Variants in HP1BP3 observed in about 807,000 individuals in gnomAD.
HP1BP3 encodes heterochromatin protein 1 binding protein 3, also known as heterochromatin protein 1-binding protein 3.
Under a neutral mutation model 62.5 loss-of-function variants are expected in HP1BP3, and 12 were observed. That is an observed-to-expected ratio of 0.19 (90% CI 0.12 to 0.31). The LOEUF is 0.31. Ranked by LOEUF, HP1BP3 falls within the 10% of genes least tolerant of loss-of-function variation. HP1BP3 has a pLI of 1.00. For missense variants in HP1BP3, 502 were observed against 651.8 expected (o/e 0.77, Z 2.50); for synonymous variants, 260 against 237.8 (o/e 1.09, Z -0.86).
chr1:20,757,370 TTA>T (rs2056179586), intron 8 of HP1BP3, 114 bp from the exon 9 acceptor site: 4 of 382,346 alleles, frequency 1.0e-5, no homozygotes, highest in Non-Finnish European at 1.2e-5. Flanking sequence ...ATTATTATTA[TTA>T]TTTTTTTTTT....
At chr1:20,783,467 T>C (rs1005994132) in intron 1 of HP1BP3, among the ~76,000 whole-genome samples, 9 of 151,582 alleles carry the variant, frequency 5.9e-5, no homozygotes, top group Non-Finnish European at 1.2e-4. Flanking sequence ...TGCAGTGACC[T>C]GAGATCATGC....
At chr1:20,766,224 G>A (rs2154540707) in intron 7 of HP1BP3, among the ~76,000 whole-genome samples, 1 of 152,282 alleles carries the variant, frequency 6.6e-6, no homozygotes, top group Admixed American at 6.5e-5. Context: ...CCGGAAGGCG[G>A]AGGTTGCAGA....
intron 6 of HP1BP3, among the ~76,000 whole-genome samples, chr1:20,769,842 G>C (rs967393978): frequency 2.0e-5 from 3 of 152,202 alleles, no homozygotes; most frequent in Admixed American, 6.5e-5. Flanking sequence ...AGACGTATCT[G>C]TGCAATTAAG....
intron 2 of HP1BP3, 42 bp downstream of exon 2, chr1:20,780,303 G>T: frequency 7.1e-7 from 1 of 1,407,752 alleles, no homozygotes; most frequent in Non-Finnish European, 1.0e-6. Context: ...TGAAGTCAGG[G>T]ATTGATCCAA....
intron 1 of HP1BP3, 70 bp from the exon 2 acceptor site, chr1:20,780,610 T>C (rs2057499481): frequency 3.4e-6 from 2 of 586,816 alleles, no homozygotes; most frequent in African/African-American, 1.9e-5. Flanking sequence ...CTAAATTTAA[T>C]ACACATCCAA....
chr1:20,767,499 C>T, intron 7 of HP1BP3, 85 bp downstream of exon 7: 2 of 903,252 alleles, frequency 2.2e-6, no homozygotes, highest in Non-Finnish European at 3.6e-6. Flanking sequence ...TAGTGCCAGG[C>T]ACACAGCAAA....
In HP1BP3 at chr1:20,748,469, G is replaced by A. The variant is rs545174054; in HGVS notation, c.1142-814C>T. ...AACATCTGGCATATAGAAATAGGCCGGGCGTGGCGGCTCACGCCTGTAATC... is the reference window on the plus strand; with the variant it reads ...AACATCTGGCATATAGAAATAGGCCAGGCGTGGCGGCTCACGCCTGTAATC... On this transcript the variant is annotated intron_variant, in intron 10 of 12. Coordinates refer to ENST00000438032, the MANE Select transcript of HP1BP3 (RefSeq NM_001372052.1). Among the ~76,000 whole-genome samples the A allele has an allele frequency of 1.1e-3, 168 of 152,314 alleles. 1 individual carries two copies. The highest frequency in any genetic ancestry group is 3.7e-3 in the African/African-American group (152 of 41,580).
At chr1:20,755,204 C>T (rs771304688) in intron 9 of HP1BP3, 3 of 198,464 alleles carry the variant, frequency 1.5e-5, no homozygotes, top group African/African-American at 2.3e-5. Flanking sequence ...AAAACTACAA[C>T]GAGATACCCT....
chr1:20,765,832 G>A (rs58082106), intron 7 of HP1BP3, among the ~76,000 whole-genome samples: 1,958 of 151,826 alleles, frequency 0.013, 48 homozygotes, highest in African/African-American at 0.043. Flanking sequence ...TTAGCCAGAC[G>A]TCGTAGCCTG....
intron 10 of HP1BP3, among the ~76,000 whole-genome samples, chr1:20,748,751 G>A (rs1004021691): frequency 7.3e-5 from 11 of 151,362 alleles, no homozygotes; most frequent in African/African-American, 7.3e-5. Context: ...GCAACACAGC[G>A]AGACTCCGTC....
At chr1:20,751,042 C>T (rs554706152) in intron 9 of HP1BP3, among the ~76,000 whole-genome samples, 24 of 152,076 alleles carry the variant, frequency 1.6e-4, no homozygotes, top group African/African-American at 5.5e-4. Context: ...GTCTCGAACT[C>T]CAGACCTCAG....
chr1:20,757,376 T>A (rs1281860172), intron 8 of HP1BP3, 120 bp from the exon 9 acceptor site: 264 of 333,660 alleles, frequency 7.9e-4, no homozygotes, highest in East Asian at 2.2e-3. Context: ...ATTATTATTT[T>A]TTTTTTTTTT....
At chr1:20,759,118 T>C (rs901678845) in intron 8 of HP1BP3, among the ~76,000 whole-genome samples, 3 of 151,968 alleles carry the variant, frequency 2.0e-5, no homozygotes, top group Non-Finnish European at 2.9e-5. Flanking sequence ...ATGATTTAAG[T>C]GGCCGGGCGA....
At chr1:20,771,160 T>A in intron 5 of HP1BP3, 87 bp from the exon 6 acceptor site, 1 of 1,155,990 alleles carries the variant, frequency 8.7e-7, no homozygotes. Flanking sequence ...TGGAAGTGAA[T>A]TTGATGATAG....
intron 10 of HP1BP3, 98 bp from the exon 11 acceptor site, chr1:20,747,753 C>T (rs1301773594): frequency 1.4e-6 from 1 of 697,248 alleles, no homozygotes; most frequent in Non-Finnish European, 2.5e-6. Flanking sequence ...TATCCTGTCA[C>T]ATACGGTAAT....
chr1:20,758,351 CCTT>C (rs1381157715), intron 8 of HP1BP3, among the ~76,000 whole-genome samples: 32 of 145,556 alleles, frequency 2.2e-4, no homozygotes, highest in Admixed American at 2.2e-3. Context: ...GTTAAACACT[CCTT>C]TTTTTTTTTG....
chr1:20,773,311 TATA>T (rs1258861660), intron 5 of HP1BP3, 137 bp downstream of exon 5: 10 of 538,318 alleles, frequency 1.9e-5, no homozygotes, highest in African/African-American at 3.9e-5. Flanking sequence ...AACATGAACT[TATA>T]ATGACTTTCC....
chr1:20,763,518 T>C (rs116580455), intron 8 of HP1BP3, among the ~76,000 whole-genome samples: 216 of 152,356 alleles, frequency 1.4e-3, no homozygotes, highest in African/African-American at 4.8e-3. Flanking sequence ...GCCTCAGTAA[T>C]GCAAGTAAAT....
chr1:20,761,366 G>A (rs1451102637), intron 8 of HP1BP3, among the ~76,000 whole-genome samples: 3 of 152,146 alleles, frequency 2.0e-5, no homozygotes, highest in East Asian at 3.9e-4. Context: ...TTTAAAGACA[G>A]AGCAAAAATA....
Sources: gnomAD v4.1 joint callset for allele counts (sites outside exome capture counted in the v4.1 genomes callset) on GRCh38, gnomAD v4.1.1 for gene constraint, MANE v1.5 for transcripts, NCBI Gene and HGNC (gene_info 2026-07-23, HGNC 2026-07-21) for gene names.